Variants in ZNF777 observed in about 807,000 individuals in gnomAD.
The protein encoded by ZNF777 is zinc finger protein 777.
ZNF777 carries 7 observed loss-of-function variants against 72.1 expected under a neutral mutation model. The observed-to-expected ratio is 0.10, with a 90% CI of 0.06 to 0.18. The LOEUF is 0.18. Among genes scored for constraint, ZNF777 ranks in the 10% least tolerant of loss-of-function variants. ZNF777 has a pLI of 1.00. For missense variants in ZNF777, 828 were observed against 1,128.6 expected (o/e 0.73, Z 3.82); for synonymous variants, 545 against 483.5 (o/e 1.13, Z -1.67).
In ZNF777 at chr7:149,433,431, G is replaced by A. The variant is rs147210422; in HGVS notation, c.1340-499C>T. Among the ~76,000 whole-genome samples, 467 of 152,246 alleles carry A rather than the reference G, an allele frequency of 3.1e-3. 1 individual carries two copies. Among genetic ancestry groups the A allele is most frequent in the African/African-American group, 0.011 (451 of 41,540 alleles). ...GGGTTTCTACCAGCTGTACCAAAGG[G>A]TCTCCACTCCTAAGGTTCTCAGTCT... On this transcript the variant is annotated intron_variant, in intron 5 of 5. Transcript: ENST00000247930.
At position 149,432,118 on chromosome 7, in the gene ZNF777, G is replaced by T; in HGVS notation, c.2154C>A (p.Gly718=). 4 of 1,604,966 alleles carry T rather than the reference G, an allele frequency of 2.5e-6. No homozygotes were observed. The highest frequency in any genetic ancestry group is 3.4e-6 in the Non-Finnish European group (4 of 1,179,744). The change falls in exon 6 of 6, where the codon GGC becomes GGA. Residue 718 remains glycine (G), a synonymous_variant. Transcript: ENST00000247930. ...ACTCGGGGCACTTGAAGGGCCGCTC[G>T]CCTGTGTGAGTCCGCTGGTGGCGCA... ...HLLRHQRTHT[G]ERPFKCPECE...
At chr7:149,448,485 C>A (rs1410497003) in intron 4 of ZNF777, among the ~76,000 whole-genome samples, 1 of 104,634 alleles carries the variant, frequency 9.6e-6, no homozygotes, top group African/African-American at 5.2e-5. Flanking sequence ...CAAAACAAAA[C>A]TATATATATA....
rs1178550264 is a variant in ZNF777, at chr7:149,436,335, A to G, written c.1339+240T>C. Among the ~76,000 whole-genome samples the G allele has an allele frequency of 6.6e-6, 1 of 152,094 alleles. No homozygotes were observed. Among genetic ancestry groups the G allele is most frequent in the Non-Finnish European group, 1.5e-5 (1 of 68,018 alleles). On this transcript the variant is annotated intron_variant, in intron 5 of 5. Transcript: ENST00000247930. This position sits in a 1 kb window ranked among gnomAD's most constrained non-coding sequence, Gnocchi z 5.0. ...AGGGGTGGGATAGGTGAGCTCTGAGATCCCTTTGCCTGAACCAGTCTTTAG... is the reference window on the plus strand; with the variant it reads ...AGGGGTGGGATAGGTGAGCTCTGAGGTCCCTTTGCCTGAACCAGTCTTTAG...
At chr7:149,433,944 T>C (rs1799369257) in intron 5 of ZNF777, among the ~76,000 whole-genome samples, 1 of 152,264 alleles carries the variant, frequency 6.6e-6, no homozygotes, top group Admixed American at 6.5e-5. Context: ...AGAAAGTCAC[T>C]TCTCTGGACC....
chr7:149,453,968 G>T, intron 3 of ZNF777, 143 bp downstream of exon 3: 3 of 1,269,952 alleles, frequency 2.4e-6, no homozygotes, highest in Non-Finnish European at 3.2e-6. Flanking sequence ...GAGGGCGTTT[G>T]CTTTAATTTG....
At position 149,436,051 on chromosome 7, in the gene ZNF777, C is replaced by CTGT. The variant is rs1799405157; in HGVS notation, c.1339+521_1339+523dup. 6.6e-6 allele frequency among the ~76,000 whole-genome samples: 1 copy of CTGT among 152,184 alleles called. No individual in the cohort carries two copies. The highest frequency in any genetic ancestry group is 1.5e-5 in the Non-Finnish European group (1 of 68,046). The stretch of plus-strand genomic sequence containing the variant: ...GGCCACCGTGAGCCCCAGTGCCTTA[C>CTGT]TGTTCTTGAACTCAGAAGGAGCAAG... On this transcript the variant is annotated intron_variant, in intron 5 of 5. Coordinates refer to ENST00000247930, the MANE Select transcript of ZNF777 (RefSeq NM_015694.3). This position sits in a 1 kb window ranked among gnomAD's most constrained non-coding sequence, Gnocchi z 5.0.
chr7:149,445,605 A>G (rs975987681), intron 4 of ZNF777, among the ~76,000 whole-genome samples: 17 of 152,120 alleles, frequency 1.1e-4, no homozygotes, highest in Non-Finnish European at 2.2e-4. Context: ...ACATTTCGGG[A>G]GTCGAGTTAG....
At chr7:149,444,989 C>T (rs1799579674) in intron 4 of ZNF777, among the ~76,000 whole-genome samples, 1 of 151,970 alleles carries the variant, frequency 6.6e-6, no homozygotes, top group African/African-American at 2.4e-5. Flanking sequence ...TCTGGATATT[C>T]CTATTATCTG....
At chr7:149,438,219 A>G (rs985336801) in intron 4 of ZNF777, among the ~76,000 whole-genome samples, 3 of 151,658 alleles carry the variant, frequency 2.0e-5, no homozygotes, top group African/African-American at 7.3e-5. Context: ...GCTGGTCTCG[A>G]ACTCCTGGCC....
Position 149,460,206 on chromosome 7 carries a change from C to T in ZNF777, c.-16+609G>A. 1 of 635,628 alleles carries T rather than the reference C, an allele frequency of 1.6e-6. No homozygotes were observed. The highest frequency in any genetic ancestry group is 1.9e-6 in the Non-Finnish European group (1 of 513,132). 39.4% of individuals were successfully genotyped at this position (635,628 alleles called of 1,614,324 possible). A position where few individuals can be genotyped will look rare whatever the true frequency, so the allele number is the denominator to read the frequency against. On this transcript the variant is annotated intron_variant, in intron 1 of 5. Transcript: ENST00000247930. This position sits in a 1 kb window ranked among gnomAD's most constrained non-coding sequence, Gnocchi z 6.1. ...GCCGCCGCTACTGCCGCCGCCGCTA[C>T]TGCGCGCGGCCCCACGCAGGCCCGG...
intron 1 of ZNF777, among the ~76,000 whole-genome samples, chr7:149,456,701 C>T (rs777240042): frequency 2.6e-5 from 4 of 152,300 alleles, no homozygotes; most frequent in East Asian, 1.9e-4. Context: ...TTCCTTCCTT[C>T]GCTTGGTCCA....
intron 4 of ZNF777, among the ~76,000 whole-genome samples, chr7:149,444,181 T>G (rs1052840858): frequency 6.6e-6 from 1 of 152,248 alleles, no homozygotes; most frequent in African/African-American, 2.4e-5. Context: ...TATATCAATG[T>G]TATTTATAAC....
intron 3 of ZNF777, 23 bp downstream of exon 3, chr7:149,454,088 A>T (rs776458531): frequency 1.5e-5 from 24 of 1,613,744 alleles, no homozygotes; most frequent in South Asian, 5.5e-5. Flanking sequence ...GGCAGCCCCC[A>T]GCGAGCGAAG....
At chr7:149,457,672 A>G (rs1799859621) in intron 1 of ZNF777, among the ~76,000 whole-genome samples, 1 of 152,194 alleles carries the variant, frequency 6.6e-6, no homozygotes, top group South Asian at 2.1e-4. Context: ...CCTATTCACA[A>G]AAGGTTTTTG....
chr7:149,459,870 C>T lies in ZNF777; in HGVS notation c.-16+945G>A, dbSNP rs983289158. 1.1e-4 allele frequency: 109 copies of T among 983,862 alleles called. 1 individual carries two copies. The highest frequency in any genetic ancestry group is 1.3e-4 in the Non-Finnish European group (105 of 829,032). 60.9% of individuals were successfully genotyped at this position (983,862 alleles called of 1,614,324 possible). On this transcript the variant is annotated intron_variant, in intron 1 of 5. Coordinates refer to ENST00000247930, the MANE Select transcript of ZNF777 (RefSeq NM_015694.3). ...GAGCGCGCCTCCGGGCGCCCCACCT[C>T]GGGGCCGCGTGTGTGCCGGGCCGGG...
Position 149,431,405 on chromosome 7 carries a change from T to C in ZNF777, c.*371A>G, listed in dbSNP as rs144291384. 5.0e-6 allele frequency: 2 copies of C among 402,466 alleles called. No individual in the cohort carries two copies. Among genetic ancestry groups the C allele is most frequent in the African/African-American group, 4.3e-5 (2 of 46,294 alleles). The allele number at this position is 402,466 out of a possible 1,614,324, so 24.9% of individuals were successfully genotyped here. A position where few individuals can be genotyped will look rare whatever the true frequency, so the allele number is the denominator to read the frequency against. ...CTATTATTATCAAATAGAACCACAGTATCCAAAAGGTAATTATAAAGTTCT... is the reference window on the plus strand; with the variant it reads ...CTATTATTATCAAATAGAACCACAGCATCCAAAAGGTAATTATAAAGTTCT... On this transcript the variant is annotated 3_prime_UTR_variant, in exon 6 of 6. Transcript: ENST00000247930.
intron 4 of ZNF777, among the ~76,000 whole-genome samples, chr7:149,448,579 C>CTA (rs57860880): frequency 0.029 from 3,320 of 114,706 alleles, 61 homozygotes; most frequent in East Asian, 0.049. Context: ...ATACATATAA[C>CTA]TATATATATA....
chr7:149,455,543 G>A lies in ZNF777; in HGVS notation c.480C>T (p.Ser160=), dbSNP rs1490893945. The A allele has an allele frequency of 6.2e-7, 1 of 1,613,930 alleles. No individual in the cohort carries two copies. The highest frequency in any genetic ancestry group is 1.7e-5 in the Admixed American group (1 of 60,004). ...DMDPLLQSPV[S]QKDTPFQISS... ...AGATCTGGAAAGGGGTGTCCTTTTG[G>A]GAAACCGGGCTCTGGAGCAGCGGGT... The change falls in exon 2 of 6, where the codon TCC becomes TCT. Residue 160 remains serine (S), a synonymous_variant. Coordinates refer to ENST00000247930, the MANE Select transcript of ZNF777 (RefSeq NM_015694.3). The surrounding 1 kb of genome is among the most constrained non-coding windows in gnomAD (Gnocchi z 4.2).
chr7:149,455,200 C>T lies in ZNF777; in HGVS notation c.823G>A (p.Gly275Ser), dbSNP rs373890587. The change falls in exon 2 of 6, where the codon GGC becomes AGC. Residue 275 changes from glycine (G) to serine (S), a missense_variant. Coordinates refer to ENST00000247930, the MANE Select transcript of ZNF777 (RefSeq NM_015694.3). The surrounding 1 kb of genome is among the most constrained non-coding windows in gnomAD (Gnocchi z 4.2). ...ACCTTGGGAACTTCTCCATTGCTGC[C>T]GGGGGGCAGCCGCAGGATCCAGAAA... ...RNFWILRLPP[G>S]SNGEVPKVPV... 1.9e-6 allele frequency: 3 copies of T among 1,613,042 alleles called. No homozygotes were observed. The highest frequency in any genetic ancestry group is 1.7e-5 in the Admixed American group (1 of 59,854).
Sources: allele counts gnomAD v4.1 joint callset (sites outside exome capture counted in the v4.1 genomes callset), GRCh38; gene constraint gnomAD v4.1.1; non-coding constraint Gnocchi (gnomAD v3.1); transcripts MANE v1.5; gene names NCBI Gene and HGNC (gene_info 2026-07-23, HGNC 2026-07-21).